Variants in ATP8B1 observed in about 807,000 individuals in gnomAD.
The protein encoded by ATP8B1 is ATPase phospholipid transporting 8B1.
ATP8B1 carries 80 observed loss-of-function variants against 149.9 expected under a neutral mutation model. The observed-to-expected ratio is 0.53, with a 90% CI of 0.45 to 0.64. The LOEUF is 0.64. ATP8B1 is among the 30% of genes least tolerant of loss of function. The probability of loss-of-function intolerance (pLI) is 0.00; values close to 1 mark genes in which losing one functional copy is unlikely to be tolerated. For missense variants in ATP8B1, 1,247 were observed against 1,552.6 expected, an observed-to-expected ratio of 0.80 and a Z score of 3.31; for synonymous variants, 536 against 562.8, an observed-to-expected ratio of 0.95 and a Z score of 0.67.
At chr18:57,649,190 A>ATATCTATCTATCTATCTATCTATC (rs71171056) in intron 27 of ATP8B1, among the ~76,000 whole-genome samples, 42,551 of 147,980 alleles carry the variant, frequency 0.29, 6,299 homozygotes, top group Admixed American at 0.34. Context: ...GTGCTTGGCT[A>ATATCTATCTATCTATCTATCTATC]TATCTATCTA....
intron 2 of ATP8B1, among the ~76,000 whole-genome samples, chr18:57,717,778 C>T (rs1013849013): frequency 3.3e-5 from 5 of 151,108 alleles, no homozygotes; most frequent in African/African-American, 1.2e-4. Context: ...CTCTGTTGCC[C>T]AGGCTGGAGT....
chr18:57,732,321 GTGTATATATGTGTGTATATATA>G (rs2079791592), intron 1 of ATP8B1, among the ~76,000 whole-genome samples: 1 of 10,902 alleles, frequency 9.2e-5, no homozygotes, highest in Non-Finnish European at 2.5e-4. Context: ...GTGTATATAT[GTGTATATATGTGTGTATATATA>G]TGTATATATG....
Position 57,691,873 on chromosome 18 carries a change from C to T in ATP8B1, c.1154G>A (p.Gly385Glu). 6.2e-7 allele frequency: 1 copy of T among 1,614,110 alleles called. No individual in the cohort carries two copies. The highest frequency in any genetic ancestry group is 8.5e-7 in the Non-Finnish European group (1 of 1,180,012). The change falls in exon 12 of 28, where the codon GGA (glycine) becomes GAA (glutamate). Residue 385 changes from glycine to glutamate, a missense_variant. Gly to Glu is a moderately conservative substitution (Grantham distance 98). Transcript: ENST00000648908. ...DGEDDTPSYR[G>E]FLIFWGYIIV... Reference sequence around the variant, plus strand: ...GATATAGCCCCAGAAAATGAGGAATCCACGGTAGGAGGGTGTATCGTCTTC... The same window carrying T: ...GATATAGCCCCAGAAAATGAGGAATTCACGGTAGGAGGGTGTATCGTCTTC...
At chr18:57,670,706 AG>A (rs1050639109) in intron 17 of ATP8B1, among the ~76,000 whole-genome samples, 1 of 151,116 alleles carries the variant, frequency 6.6e-6, no homozygotes, top group African/African-American at 2.4e-5. Flanking sequence ...ATTACTTTAT[AG>A]TCACATCTTT....
intron 24 of ATP8B1, 134 bp downstream of exon 24, chr18:57,653,858 C>T (rs1335667347): frequency 1.1e-5 from 10 of 872,566 alleles, no homozygotes; most frequent in African/African-American, 3.3e-5. Flanking sequence ...CCCTTGATGC[C>T]TGACAACAGA....
intron 1 of ATP8B1, among the ~76,000 whole-genome samples, chr18:57,737,573 TC>T: frequency 9.6e-5 from 1 of 10,404 alleles, no homozygotes; most frequent in Non-Finnish European, 3.3e-3. Context: ...TTCTTTTCTT[TC>T]TTTCTTTTTT....
intron 1 of ATP8B1, among the ~76,000 whole-genome samples, chr18:57,764,540 T>C (rs2080191573): frequency 6.6e-6 from 1 of 151,890 alleles, no homozygotes; most frequent in Non-Finnish European, 1.5e-5. Context: ...TGCCTCAGCC[T>C]CCTCAGTAGC....
In ATP8B1 at chr18:57,658,642, TGTGTGTGTGTGTGTGTGTGTGTGTG is replaced by T. The variant is rs1209179894; in HGVS notation, c.2707+2507_2707+2531del. 2.7e-5 allele frequency among the ~76,000 whole-genome samples: 4 copies of T among 148,126 alleles called. No homozygotes were observed. The Admixed American group carries it at 2.8e-4, about 11-fold the overall frequency. ...AACAATTTCTTTGTGTGTGTGTGTG[TGTGTGTGTGTGTGTGTGTGTGTGTG>T]TTCTTTTTTGTTGTTGGAGAAAGGG... On this transcript the variant is annotated intron_variant, in intron 22 of 27. Transcript: ENST00000648908.
intron 1 of ATP8B1, among the ~76,000 whole-genome samples, chr18:57,764,290 C>T (rs545829271): frequency 2.7e-5 from 4 of 150,460 alleles, no homozygotes; most frequent in Non-Finnish European, 5.9e-5. Context: ...TTCTTTCTTT[C>T]TTCTTTTCTT....
At chr18:57,743,858 G>A (rs996038686) in intron 1 of ATP8B1, among the ~76,000 whole-genome samples, 6 of 152,278 alleles carry the variant, frequency 3.9e-5, no homozygotes, top group African/African-American at 1.2e-4. Flanking sequence ...GGGTGACTGG[G>A]AAGGTGAGAG....
At chr18:57,702,243 T>C (rs1189087035) in intron 4 of ATP8B1, among the ~76,000 whole-genome samples, 3 of 152,182 alleles carry the variant, frequency 2.0e-5, no homozygotes, top group Non-Finnish European at 4.4e-5. Flanking sequence ...AGCCTCTAAG[T>C]TTGAACAAAG....
intron 1 of ATP8B1, among the ~76,000 whole-genome samples, chr18:57,766,739 G>A (rs1167786266): frequency 6.6e-6 from 1 of 152,196 alleles, no homozygotes; most frequent in Non-Finnish European, 1.5e-5. Flanking sequence ...AGAAGCTCTA[G>A]GGCAGGAGGA....
intron 22 of ATP8B1, among the ~76,000 whole-genome samples, chr18:57,658,274 T>C (rs1228203528): frequency 2.0e-5 from 3 of 152,162 alleles, no homozygotes; most frequent in Non-Finnish European, 4.4e-5. Context: ...GGTCTCGAAC[T>C]CCCAACCTCA....
At chr18:57,793,197 CCT>C (rs1299334241) in intron 1 of ATP8B1, among the ~76,000 whole-genome samples, 1 of 151,998 alleles carries the variant, frequency 6.6e-6, no homozygotes, top group Non-Finnish European at 1.5e-5. Flanking sequence ...ATCTTTGGCT[CCT>C]CTCTCTCTCA....
At chr18:57,785,121 G>A (rs1442440631) in intron 1 of ATP8B1, among the ~76,000 whole-genome samples, 1 of 152,160 alleles carries the variant, frequency 6.6e-6, no homozygotes. Context: ...TATTAAGGTG[G>A]ATGCTGCCTC....
rs540921535 is a variant in ATP8B1, at chr18:57,652,310, C to A, written c.3262-138G>T. The A allele has an allele frequency of 2.1e-6, 3 of 1,450,176 alleles. No homozygotes were observed. In the African/African-American group the frequency reaches 4.3e-5, roughly 21 times the overall value. The allele number at this position is 1,450,176 out of a possible 1,614,324, so 89.8% of individuals were successfully genotyped here. On this transcript the variant is annotated intron_variant, in intron 25 of 27. Transcript: ENST00000648908. ...ATACTGGACCAGAAACTAAACCATC[C>A]TTGACTCAGGCAAGAAATAGAAAAT... is the stretch of plus-strand genomic sequence containing the variant.
chr18:57,647,965 G>A lies in ATP8B1; in HGVS notation c.*523C>T, dbSNP rs1909284937. Reference sequence around the variant, plus strand: ...GCCTCCCAAAGTGCTAGGATGACAGGCATGAGCCACCATGCCCGGCCTATT... The same window carrying A: ...GCCTCCCAAAGTGCTAGGATGACAGACATGAGCCACCATGCCCGGCCTATT... On this transcript the variant is annotated 3_prime_UTR_variant, in exon 28 of 28. Coordinates refer to ENST00000648908, the MANE Select transcript of ATP8B1 (RefSeq NM_001374385.1). 1 of 210,318 alleles carries A rather than the reference G, an allele frequency of 4.8e-6. No homozygotes were observed. Among genetic ancestry groups the A allele is most frequent in the Non-Finnish European group, 9.8e-6 (1 of 102,478 alleles). 13.0% of individuals were successfully genotyped at this position (210,318 alleles called of 1,614,324 possible).
intron 2 of ATP8B1, among the ~76,000 whole-genome samples, chr18:57,711,523 C>G (rs1364611435): frequency 6.6e-6 from 1 of 152,198 alleles, no homozygotes; most frequent in Non-Finnish European, 1.5e-5. Flanking sequence ...AGTTTGCAAG[C>G]ATTCTTTGCG....
At chr18:57,762,790 C>A (rs993549911) in intron 1 of ATP8B1, among the ~76,000 whole-genome samples, 1 of 152,178 alleles carries the variant, frequency 6.6e-6, no homozygotes, top group East Asian at 1.9e-4. Flanking sequence ...TACAGCAATA[C>A]TCTCTGTTAC....
Sources: allele counts gnomAD v4.1 joint callset (sites outside exome capture counted in the v4.1 genomes callset), GRCh38; gene constraint gnomAD v4.1.1; transcripts MANE v1.5; gene names NCBI Gene and HGNC (gene_info 2026-07-23, HGNC 2026-07-21).